PITPNC1: variants seen among roughly 807,000 people sequenced by gnomAD.
The protein encoded by PITPNC1 is cytoplasmic phosphatidylinositol transfer protein 1.
PITPNC1 carries 18 observed loss-of-function variants against 44.7 expected under a neutral mutation model. The ratio of observed to expected loss-of-function variants is 0.40; its 90% CI spans 0.28 to 0.60. PITPNC1 has a LOEUF of 0.60. Ranked by LOEUF, PITPNC1 falls within the 20% of genes least tolerant of loss-of-function variation. The pLI is 0.39. For missense variants in PITPNC1, 290 were observed against 418.4 expected (o/e 0.69, Z 2.68); for synonymous variants, 141 against 149.6 (o/e 0.94, Z 0.42).
chr17:67,656,749 G>A (rs2042273402), intron 6 of PITPNC1, among the ~76,000 whole-genome samples: 1 of 152,176 alleles, frequency 6.6e-6, no homozygotes, highest in African/African-American at 2.4e-5. Context: ...CATCGGGGAT[G>A]AAGGTTGAGG....
At chr17:67,478,360 T>C (rs183555268) in intron 1 of PITPNC1, among the ~76,000 whole-genome samples, 1 of 152,334 alleles carries the variant, frequency 6.6e-6, no homozygotes, top group African/African-American at 2.4e-5. Flanking sequence ...GTCTGATCTT[T>C]TCTAAATCTG....
chr17:67,399,300 A>G (rs1181210204), intron 1 of PITPNC1, among the ~76,000 whole-genome samples: 1 of 152,164 alleles, frequency 6.6e-6, no homozygotes, highest in Non-Finnish European at 1.5e-5. Context: ...GGCGTGAGCC[A>G]CTGTGCCTGT....
chr17:67,590,097 T>C (rs955780678), intron 5 of PITPNC1, among the ~76,000 whole-genome samples: 1 of 152,170 alleles, frequency 6.6e-6, no homozygotes, highest in African/African-American at 2.4e-5. Flanking sequence ...AGAGAAGCAC[T>C]ACCTCTGGGA....
chr17:67,560,845 G>A (rs948025933), intron 4 of PITPNC1, among the ~76,000 whole-genome samples: 1 of 152,190 alleles, frequency 6.6e-6, no homozygotes, highest in Non-Finnish European at 1.5e-5. Flanking sequence ...TTTTAAAATT[G>A]TTTGCATTTT....
chr17:67,412,505 A>G (rs540961036), intron 1 of PITPNC1, among the ~76,000 whole-genome samples: 199 of 152,244 alleles, frequency 1.3e-3, no homozygotes, highest in Non-Finnish European at 2.5e-3. Flanking sequence ...ATTTAACCTA[A>G]AAGAGAAGAA....
intron 1 of PITPNC1, among the ~76,000 whole-genome samples, chr17:67,481,996 T>C (rs2039711096): frequency 6.6e-6 from 1 of 152,224 alleles, no homozygotes; most frequent in African/African-American, 2.4e-5. Flanking sequence ...CAGGATTACT[T>C]GTACTTTTGG....
At chr17:67,675,328 A>T (rs988430743) in intron 7 of PITPNC1, 151 bp from the exon 8 acceptor site, 1 of 645,156 alleles carries the variant, frequency 1.6e-6, no homozygotes, top group African/African-American at 1.8e-5. Context: ...GCACTATAGG[A>T]CCTATAGGCA....
chr17:67,601,138 A>G (rs2041534051), intron 5 of PITPNC1, among the ~76,000 whole-genome samples: 1 of 152,176 alleles, frequency 6.6e-6, no homozygotes, highest in African/African-American at 2.4e-5. Flanking sequence ...ATACTTCTCT[A>G]AATCCTAAAG....
intron 1 of PITPNC1, among the ~76,000 whole-genome samples, chr17:67,475,919 A>G (rs1317823070): frequency 2.0e-5 from 3 of 152,172 alleles, no homozygotes; most frequent in Non-Finnish European, 2.9e-5. Flanking sequence ...AGAGCAACAG[A>G]GCGGTCTCTA....
intron 1 of PITPNC1, among the ~76,000 whole-genome samples, chr17:67,473,111 C>T (rs912655836): frequency 3.3e-5 from 5 of 152,058 alleles, no homozygotes; most frequent in East Asian, 3.9e-4. Context: ...CTCCTGACCT[C>T]GTGATCCACC....
chr17:67,562,233 C>G (rs1160847041), intron 4 of PITPNC1, among the ~76,000 whole-genome samples: 1 of 152,204 alleles, frequency 6.6e-6, no homozygotes, highest in Non-Finnish European at 1.5e-5. Context: ...AGTGAATGAA[C>G]TAATGAATGA....
intron 5 of PITPNC1, among the ~76,000 whole-genome samples, chr17:67,624,445 T>G (rs924144649): frequency 6.9e-6 from 1 of 144,460 alleles, no homozygotes; most frequent in African/African-American, 2.6e-5. Context: ...CTCCTGGGCT[T>G]AAGCCATCCT....
intron 6 of PITPNC1, among the ~76,000 whole-genome samples, chr17:67,632,966 T>C (rs895820662): frequency 3.3e-5 from 5 of 152,218 alleles, no homozygotes; most frequent in Non-Finnish European, 7.3e-5. Flanking sequence ...TCTCCTTTGT[T>C]CTTGGCTGAG....
At chr17:67,670,840 C>G (rs1489489192) in intron 7 of PITPNC1, among the ~76,000 whole-genome samples, 1 of 150,918 alleles carries the variant, frequency 6.6e-6, no homozygotes, top group Non-Finnish European at 1.5e-5. Flanking sequence ...CAATTGTAAA[C>G]CTACTTTGGC....
chr17:67,690,517 T>G (rs910034588), intron 8 of PITPNC1, among the ~76,000 whole-genome samples: 2 of 151,918 alleles, frequency 1.3e-5, no homozygotes, highest in Non-Finnish European at 2.9e-5. Flanking sequence ...CATTACATAC[T>G]CAGTATTTCC....
chr17:67,692,691 G>C lies in PITPNC1; in HGVS notation c.802G>C (p.Val268Leu). ...ISSIPLLPSS[V>L]RSAPSSAPST... ...CAGCATCCCCCTGCTGCCTTCTTCCGTCCGCAGTGCGCCTTCTAGTGCTCC... is the reference window on the plus strand; with the variant it reads ...CAGCATCCCCCTGCTGCCTTCTTCCCTCCGCAGTGCGCCTTCTAGTGCTCC... The change falls in exon 9 of 9, where the codon GTC (valine) becomes CTC (leucine). Residue 268 changes from valine (V) to leucine (L), a missense_variant. Val to Leu is a conservative substitution (Grantham distance 32). Transcript: ENST00000581322. The C allele has an allele frequency of 6.2e-7, 1 of 1,613,702 alleles. No individual in the cohort carries two copies. Among genetic ancestry groups the C allele is most frequent in the Non-Finnish European group, 8.5e-7 (1 of 1,179,772 alleles).
At chr17:67,655,595 TCCCAAAGGTCCCCAC>T (rs2042256814) in intron 6 of PITPNC1, among the ~76,000 whole-genome samples, 1 of 123,094 alleles carries the variant, frequency 8.1e-6, no homozygotes, top group Non-Finnish European at 1.7e-5. Context: ...ACTAATTGCC[TCCCAAAGGTCCCCAC>T]CCCCTAATAC....
intron 4 of PITPNC1, among the ~76,000 whole-genome samples, chr17:67,561,967 C>A (rs2040912301): frequency 6.6e-6 from 1 of 152,146 alleles, no homozygotes; most frequent in Non-Finnish European, 1.5e-5. Context: ...TCTTGTCTTG[C>A]CATTATAGTA....
chr17:67,655,185 T>C lies in PITPNC1; in HGVS notation c.463-14323T>C, dbSNP rs570671292. 2.1e-3 allele frequency among the ~76,000 whole-genome samples: 326 copies of C among 152,276 alleles called. 1 individual carries two copies. The highest frequency in any genetic ancestry group is 7.5e-3 in the South Asian group (36 of 4,822). ...CAGTGCCTGGAGATGGCTCGTTTCT[T>C]GGTTCATAGATGGCGCCCCTCTCAC... On this transcript the variant is annotated intron_variant, in intron 6 of 8. Coordinates refer to ENST00000581322, the MANE Select transcript of PITPNC1 (RefSeq NM_012417.4).
Sources: gnomAD v4.1 joint callset for allele counts (sites outside exome capture counted in the v4.1 genomes callset) on GRCh38, gnomAD v4.1.1 for gene constraint, MANE v1.5 for transcripts, NCBI Gene and HGNC (gene_info 2026-07-23, HGNC 2026-07-21) for gene names.